The following BBC3 variants were observed in gnomAD, a reference collection of about 807,000 sequenced individuals.
BBC3 encodes the protein bcl-2-binding component 3.
BBC3 carries 5 observed loss-of-function variants against 18.2 expected under a neutral mutation model. The observed-to-expected ratio is 0.27, with a 90% CI of 0.14 to 0.58. BBC3 has a LOEUF of 0.58. Among genes scored for constraint, BBC3 ranks in the 20% least tolerant of loss-of-function variants. The probability of loss-of-function intolerance (pLI) is 0.91; values close to 1 mark genes in which losing one functional copy is unlikely to be tolerated. For missense variants in BBC3, 224 were observed against 268.9 expected (o/e 0.83, Z 1.17); for synonymous variants, 119 against 128.0 (o/e 0.93, Z 0.47).
At chr19:47,223,885 T>C (rs553895973) in intron 3 of BBC3, among the ~76,000 whole-genome samples, 1 of 152,216 alleles carries the variant, frequency 6.6e-6, no homozygotes, top group African/African-American at 2.4e-5. Context: ...GGGTGCCACC[T>C]GGTGAGAAAG....
At chr19:47,223,801 G>A (rs898874979) in intron 3 of BBC3, among the ~76,000 whole-genome samples, 37 of 152,182 alleles carry the variant, frequency 2.4e-4, no homozygotes, top group African/African-American at 8.7e-4. Flanking sequence ...CAACTCTTGG[G>A]GCCAGGAGAT....
chr19:47,226,861 G>C, intron 2 of BBC3, 107 bp from the exon 3 acceptor site: 1 of 1,017,380 alleles, frequency 9.8e-7, no homozygotes, highest in South Asian at 2.0e-5. Flanking sequence ...CTCATTTCTA[G>C]TGATCCCATC....
upstream of BBC3, chr19:47,232,504 G>A: frequency 6.5e-7 from 1 of 1,546,930 alleles, no homozygotes; most frequent in Non-Finnish European, 8.7e-7. Context: ...TGCACACCTG[G>A]CCACACTCAC....
chr19:47,223,247 G>A (rs187381835), intron 3 of BBC3, among the ~76,000 whole-genome samples: 32 of 150,306 alleles, frequency 2.1e-4, no homozygotes, highest in Admixed American at 1.0e-3. Flanking sequence ...CTCCAGCCTG[G>A]GTGACAGAGC....
At position 47,221,750 on chromosome 19, in the gene BBC3, G is replaced by C. The variant is rs770648214; in HGVS notation, c.*52C>G. ...CGCGCTGGCCAGGGTGTCAGGAGGT[G>C]GGAGGGGCCTGCCCCCCGAGTCCCT... On this transcript the variant is annotated 3_prime_UTR_variant, in exon 4 of 4. Coordinates refer to ENST00000439096, the MANE Select transcript of BBC3 (RefSeq NM_014417.5). The C allele has an allele frequency of 6.2e-7, 1 of 1,605,278 alleles. No homozygotes were observed. The highest frequency in any genetic ancestry group is 1.1e-5 in the South Asian group (1 of 90,530).
chr19:47,222,977 A>AT (rs990583261), intron 3 of BBC3, among the ~76,000 whole-genome samples: 5 of 148,056 alleles, frequency 3.4e-5, no homozygotes, highest in African/African-American at 1.3e-4. Context: ...AAAAAAAAAA[A>AT]AAAAAAATAC....
At chr19:47,229,444 C>G (rs947756812) in intron 1 of BBC3, among the ~76,000 whole-genome samples, 6 of 151,588 alleles carry the variant, frequency 4.0e-5, no homozygotes, top group Non-Finnish European at 8.8e-5. Flanking sequence ...CTCACGCAAC[C>G]CTCAAACATC....
At position 47,226,706 on chromosome 19, in the gene BBC3, A is replaced by C. The variant is rs2123378381; in HGVS notation, c.323T>G (p.Val108Gly). The C allele has an allele frequency of 6.8e-7, 1 of 1,463,290 alleles. No individual in the cohort carries two copies. Among genetic ancestry groups the C allele is most frequent in the East Asian group, 2.8e-5 (1 of 36,164 alleles). The allele number at this position is 1,463,290 out of a possible 1,614,324, so 90.6% of individuals were successfully genotyped here. The change falls in exon 3 of 4, where the codon GTG becomes GGG. Residue 108 changes from valine to glycine, a missense_variant. Val to Gly is a moderately radical substitution (Grantham distance 109, BLOSUM62 -3). Coordinates refer to ENST00000439096, the MANE Select transcript of BBC3 (RefSeq NM_014417.5). Reference protein sequence around the residue: ...SLAEQHLESPVPSAPGALAGG... With the variant: ...SLAEQHLESPGPSAPGALAGG... ...CGCCAGAGCCCCCGGGGCGCTGGGC[A>C]CGGGCGACTCCAGGTGCTGCTCCGC...
At chr19:47,232,625 C>A (rs1217422675), upstream of BBC3, 2 of 1,519,642 alleles carry the variant, frequency 1.3e-6, no homozygotes, top group Non-Finnish European at 1.8e-6. Context: ...CTTTCCATTC[C>A]GTTTCTTTTT....
intron 3 of BBC3, among the ~76,000 whole-genome samples, chr19:47,222,769 C>T (rs1242477679): frequency 6.8e-6 from 1 of 147,366 alleles, no homozygotes; most frequent in African/African-American, 2.5e-5. Context: ...AGTTTGAGAC[C>T]AGCCTGACCT....
rs1367321097 is a variant in BBC3, at chr19:47,228,513, C to G, written c.-15-67G>C. On this transcript the variant is annotated intron_variant, in intron 1 of 3. Coordinates refer to ENST00000439096, the MANE Select transcript of BBC3 (RefSeq NM_014417.5). The surrounding 1 kb of genome is among the most constrained non-coding windows in gnomAD (Gnocchi z 5.5). ...CAGGGCCCACTGTACCTCCAGCCTA[C>G]CCGGGGTTAGGACCCAGATGGAGAA... 8.2e-7 allele frequency: 1 copy of G among 1,218,736 alleles called. No homozygotes were observed. The highest frequency in any genetic ancestry group is 1.0e-6 in the Non-Finnish European group (1 of 977,108). 75.5% of individuals were successfully genotyped at this position (1,218,736 alleles called of 1,614,324 possible). A position where few individuals can be genotyped will look rare whatever the true frequency, so the allele number is the denominator to read the frequency against.
upstream of BBC3, chr19:47,232,527 AG>A (rs1164135326): frequency 7.7e-6 from 12 of 1,548,802 alleles, no homozygotes; most frequent in African/African-American, 1.6e-4. Context: ...CAAATCTGGC[AG>A]GGGACCCACG....
At chr19:47,232,149 C>G (rs551220193), upstream of BBC3, among the ~76,000 whole-genome samples, 1 of 152,128 alleles carries the variant, frequency 6.6e-6, no homozygotes. Flanking sequence ...GTCAGGAATT[C>G]GAGACCAGCC....
intron 2 of BBC3, chr19:47,226,968 G>C: frequency 4.5e-6 from 2 of 443,238 alleles, no homozygotes. Flanking sequence ...GGCCAGCTAC[G>C]TCCCCACGGC....
rs923819834 is a variant in BBC3 at position 47,228,794 on chromosome 19, T to C, written c.-15-348A>G. On this transcript the variant is annotated intron_variant, in intron 1 of 3. Transcript: ENST00000439096. The surrounding 1 kb of genome is among the most constrained non-coding windows in gnomAD (Gnocchi z 5.5). ...AACACAAACTCACTCCACTTGGGAC[T>C]CACAGCATGGGCTGGTGGGGACAAC... is the stretch of plus-strand genomic sequence containing the variant. Among the ~76,000 whole-genome samples the C allele has an allele frequency of 1.3e-5, 2 of 151,744 alleles. No individual in the cohort carries two copies. Among genetic ancestry groups the C allele is most frequent in the African/African-American group, 4.8e-5 (2 of 41,274 alleles).
At chr19:47,223,294 A>C (rs1242327323) in intron 3 of BBC3, among the ~76,000 whole-genome samples, 3 of 132,716 alleles carry the variant, frequency 2.3e-5, no homozygotes, top group Non-Finnish European at 4.9e-5. Flanking sequence ...TGGCTGGGCA[A>C]GGTGGCTCAC....
At chr19:47,231,256 GC>G (rs891450429), upstream of BBC3, 7 of 648,510 alleles carry the variant, frequency 1.1e-5, no homozygotes, top group African/African-American at 1.4e-4. The surrounding 1 kb of genome is among the most constrained non-coding windows in gnomAD (Gnocchi z 4.0). Flanking sequence ...GCCCCGCCCC[GC>G]CCCCGCCCGG....
chr19:47,221,976 G>C, intron 3 of BBC3, 58 bp from the exon 4 acceptor site: 1 of 1,457,826 alleles, frequency 6.9e-7, no homozygotes, highest in South Asian at 1.3e-5. Flanking sequence ...TGATGGGAGT[G>C]GGGATGGTCA....
chr19:47,226,290 G>A (rs954857103), intron 3 of BBC3, among the ~76,000 whole-genome samples: 1 of 151,812 alleles, frequency 6.6e-6, no homozygotes, highest in African/African-American at 2.4e-5. Flanking sequence ...CGCGGCCGCG[G>A]GCCACGGGCG....
Sources: gnomAD v4.1 joint callset for allele counts (sites outside exome capture counted in the v4.1 genomes callset) on GRCh38, gnomAD v4.1.1 for gene constraint, Gnocchi (gnomAD v3.1) non-coding constraint, MANE v1.5 for transcripts, NCBI Gene and HGNC (gene_info 2026-07-23, HGNC 2026-07-21) for gene names.